TNRC6B: variants seen among roughly 807,000 people sequenced by gnomAD.
TNRC6B encodes trinucleotide repeat containing adaptor 6B.
In TNRC6B, 52 loss-of-function variants were observed where a neutral mutation model predicts 203.6. The ratio of observed to expected loss-of-function variants is 0.26; its 90% CI spans 0.20 to 0.32. The LOEUF (loss-of-function observed/expected upper bound fraction) is 0.32, where lower values mean the gene tolerates loss of function less well. Among genes scored for constraint, TNRC6B ranks in the 10% least tolerant of loss-of-function variants. The probability of loss-of-function intolerance (pLI) is 1.00; values close to 1 mark genes in which losing one functional copy is unlikely to be tolerated. For missense variants in TNRC6B, 1,923 were observed against 2,286.2 expected (o/e 0.84, Z 3.24); for synonymous variants, 838 against 845.7 (o/e 0.99, Z 0.16).
chr22:40,146,756 G>C (rs2068699003), intron 3 of TNRC6B, among the ~76,000 whole-genome samples: 1 of 151,734 alleles, frequency 6.6e-6, no homozygotes, highest in Admixed American at 6.6e-5. Flanking sequence ...GTAGAGACAG[G>C]GTTTCGCCAT....
intron 2 of TNRC6B, 106 bp from the exon 3 acceptor site, chr22:40,251,073 G>A: frequency 1.1e-6 from 1 of 889,722 alleles, no homozygotes. Flanking sequence ...CTATGCCTGT[G>A]TGCCTGACAG....
intron 5 of TNRC6B, among the ~76,000 whole-genome samples, chr22:40,268,221 G>A (rs887595673): frequency 1.3e-5 from 2 of 152,118 alleles, no homozygotes; most frequent in African/African-American, 2.4e-5. Flanking sequence ...GAGTAGTTGG[G>A]ATTACAGGCA....
chr22:40,115,400 C>T (rs562475610), intron 1 of TNRC6B, among the ~76,000 whole-genome samples: 2 of 152,312 alleles, frequency 1.3e-5, no homozygotes, highest in South Asian at 2.1e-4. Context: ...GACATAACCA[C>T]GTAGCCTCGA....
At chr22:40,149,166 A>G (rs987450184) in intron 3 of TNRC6B, among the ~76,000 whole-genome samples, 21 of 152,268 alleles carry the variant, frequency 1.4e-4, no homozygotes, top group African/African-American at 4.8e-4. Flanking sequence ...ACAATGGAAT[A>G]CTACTCAGCT....
intron 1 of TNRC6B, among the ~76,000 whole-genome samples, chr22:40,102,697 A>G (rs1329653525): frequency 6.6e-6 from 1 of 152,136 alleles, no homozygotes; most frequent in Non-Finnish European, 1.5e-5. Flanking sequence ...CAGCACTTTG[A>G]GAGGCTGAGA....
intron 3 of TNRC6B, among the ~76,000 whole-genome samples, chr22:40,136,611 G>A (rs1468386277): frequency 6.6e-6 from 1 of 151,398 alleles, no homozygotes; most frequent in East Asian, 1.9e-4. Context: ...GTCTCACTAT[G>A]TTGCCTAGGC....
intron 1 of TNRC6B, among the ~76,000 whole-genome samples, chr22:40,074,581 A>G (rs1337004129): frequency 6.6e-6 from 1 of 152,150 alleles, no homozygotes; most frequent in East Asian, 1.9e-4. Flanking sequence ...GATCGAGACC[A>G]TCCTAGCTAA....
At chr22:40,131,615 A>G (rs961522909) in intron 3 of TNRC6B, among the ~76,000 whole-genome samples, 7 of 152,208 alleles carry the variant, frequency 4.6e-5, no homozygotes, top group Admixed American at 3.3e-4. Context: ...GTTGATACAC[A>G]GAATTGACTC....
At chr22:40,274,296 C>T (rs1013625667) in intron 7 of TNRC6B, among the ~76,000 whole-genome samples, 2 of 152,138 alleles carry the variant, frequency 1.3e-5, no homozygotes, top group Non-Finnish European at 2.9e-5. Context: ...TGGCTTCTCC[C>T]GCGGCAATCA....
At chr22:40,255,222 G>C (rs1208872138) in intron 3 of TNRC6B, among the ~76,000 whole-genome samples, 1 of 152,198 alleles carries the variant, frequency 6.6e-6, no homozygotes, top group Non-Finnish European at 1.5e-5. Context: ...CACCAATGGT[G>C]AGTCAAAGCC....
intron 1 of TNRC6B, among the ~76,000 whole-genome samples, chr22:40,076,110 T>A (rs1221663001): frequency 6.6e-6 from 1 of 152,208 alleles, no homozygotes; most frequent in East Asian, 1.9e-4. Flanking sequence ...AGCTTCACCG[T>A]TTTTTGTACT....
At chr22:40,121,978 C>T (rs2068450951) in intron 2 of TNRC6B, among the ~76,000 whole-genome samples, 1 of 152,070 alleles carries the variant, frequency 6.6e-6, no homozygotes, top group Admixed American at 6.5e-5. Context: ...AATACTGTGC[C>T]CCCTCATTAA....
chr22:40,080,381 A>G lies in TNRC6B; in HGVS notation c.-121+35383A>G, dbSNP rs575901168. 2.0e-3 allele frequency among the ~76,000 whole-genome samples: 300 copies of G among 152,064 alleles called. 1 individual carries two copies. The highest frequency in any genetic ancestry group is 3.5e-3 in the Non-Finnish European group (241 of 67,976). On this transcript the variant is annotated intron_variant, in intron 1 of 23. Coordinates refer to the TNRC6B transcript ENST00000301923. ...ATAGTATGCACAGGTTTATTTTTGC[A>G]TTCTGTTTGATTATAGATTCCTGTA...
intron 1 of TNRC6B, among the ~76,000 whole-genome samples, chr22:40,099,269 GAAAA>G (rs1043194937): frequency 1.3e-5 from 2 of 148,344 alleles, no homozygotes; most frequent in African/African-American, 5.0e-5. Context: ...AAAAAAAAAG[GAAAA>G]AAAAACATAC....
chr22:40,058,433 A>C (rs1369113788), intron 1 of TNRC6B, among the ~76,000 whole-genome samples: 3 of 117,978 alleles, frequency 2.5e-5, no homozygotes, highest in African/African-American at 1.0e-4. Flanking sequence ...GCACAATGTG[A>C]CACAATGTGC....
chr22:40,157,781 A>C (rs2068830907), intron 4 of TNRC6B, among the ~76,000 whole-genome samples: 1 of 152,006 alleles, frequency 6.6e-6, no homozygotes, highest in South Asian at 2.1e-4. Flanking sequence ...TTATAACTCC[A>C]TTTGTCGAGG....
intron 1 of TNRC6B, among the ~76,000 whole-genome samples, chr22:40,191,430 A>T (rs1024386055): frequency 6.6e-6 from 1 of 152,180 alleles, no homozygotes; most frequent in African/African-American, 2.4e-5. Flanking sequence ...CAGAAGAAAT[A>T]GAATAAACAA....
intron 3 of TNRC6B, among the ~76,000 whole-genome samples, chr22:40,147,856 T>G (rs1449817468): frequency 1.3e-5 from 2 of 152,166 alleles, no homozygotes; most frequent in Admixed American, 6.6e-5. Context: ...CGTGGTTGTC[T>G]GGGCCTCAGA....
chr22:40,061,934 C>T (rs1223076161), intron 1 of TNRC6B, among the ~76,000 whole-genome samples: 1 of 151,658 alleles, frequency 6.6e-6, no homozygotes, highest in Non-Finnish European at 1.5e-5. Context: ...ATTAGCTGGG[C>T]GTGGTGGTGG....
Sources: gnomAD v4.1 joint callset for allele counts (sites outside exome capture counted in the v4.1 genomes callset) on GRCh38, gnomAD v4.1.1 for gene constraint, MANE v1.5 for transcripts, NCBI Gene and HGNC (gene_info 2026-07-23, HGNC 2026-07-21) for gene names.